The following CLVS1 variants were observed in gnomAD, a reference collection of about 807,000 sequenced individuals.
The protein encoded by CLVS1 is clavesin-1.
In CLVS1, 10 loss-of-function variants were observed where a neutral mutation model predicts 33.1. The observed-to-expected ratio is 0.30, with a 90% CI of 0.19 to 0.51. The LOEUF is 0.51. Ranked by LOEUF, CLVS1 falls within the 20% of genes least tolerant of loss-of-function variation. The probability of loss-of-function intolerance (pLI) is 0.97; values close to 1 mark genes in which losing one functional copy is unlikely to be tolerated. For missense variants in CLVS1, 343 were observed against 433.4 expected, an observed-to-expected ratio of 0.79 and a Z score of 1.85; for synonymous variants, 163 against 166.1, an observed-to-expected ratio of 0.98 and a Z score of 0.14.
intron 1 of CLVS1, among the ~76,000 whole-genome samples, chr8:61,062,002 T>G (rs984494869): frequency 6.6e-6 from 1 of 152,104 alleles, no homozygotes; most frequent in African/African-American, 2.4e-5. Flanking sequence ...TTATCTTATG[T>G]TTTAGGTCAT....
intron 2 of CLVS1, among the ~76,000 whole-genome samples, chr8:61,152,779 C>T (rs986426391): frequency 5.3e-5 from 8 of 152,156 alleles, no homozygotes; most frequent in African/African-American, 1.9e-4. Context: ...CTCCTAAAGG[C>T]GCTGCCTCAA....
intron 5 of CLVS1, among the ~76,000 whole-genome samples, chr8:61,460,751 C>T (rs1817339472): frequency 6.6e-6 from 1 of 152,204 alleles, no homozygotes; most frequent in African/African-American, 2.4e-5. Context: ...CTTGGACCAG[C>T]CCAAAGAACT....
chr8:61,420,837 C>T (rs1237241204), intron 3 of CLVS1, among the ~76,000 whole-genome samples: 1 of 150,194 alleles, frequency 6.7e-6, no homozygotes, highest in East Asian at 2.0e-4. Context: ...GGCATGGTGG[C>T]GGGCACCTGT....
chr8:61,039,769 G>A, the CLVS1 span, among the ~76,000 whole-genome samples: 1 of 152,020 alleles, frequency 6.6e-6, no homozygotes, highest in African/African-American at 2.4e-5. Context: ...TGAATTCCTG[G>A]GCTGAAGCCA....
At chr8:61,251,778 A>G (rs1019576052) in intron 2 of CLVS1, among the ~76,000 whole-genome samples, 6 of 152,004 alleles carry the variant, frequency 3.9e-5, no homozygotes, top group African/African-American at 7.2e-5. Context: ...ATAATTTTTT[A>G]TTGTATCTAT....
intron 3 of CLVS1, among the ~76,000 whole-genome samples, chr8:61,434,603 G>A (rs1393235443): frequency 6.6e-6 from 1 of 152,118 alleles, no homozygotes; most frequent in Non-Finnish European, 1.5e-5. Flanking sequence ...TCAAAGAGGG[G>A]GGCTTCCAGG....
intron 1 of CLVS1, chr8:61,090,858 T>C (rs949430453): frequency 7.7e-6 from 4 of 518,542 alleles, no homozygotes; most frequent in Admixed American, 1.9e-5. Flanking sequence ...ACTTTTGAGC[T>C]GATGAGAAGA....
chr8:60,991,892 G>T, the CLVS1 span, among the ~76,000 whole-genome samples: 1 of 152,070 alleles, frequency 6.6e-6, no homozygotes, highest in African/African-American at 2.4e-5. Flanking sequence ...GATTATAGGA[G>T]TGTGTCACTG....
At chr8:61,468,827 C>T (rs557037110) in intron 5 of CLVS1, among the ~76,000 whole-genome samples, 57 of 151,214 alleles carry the variant, frequency 3.8e-4, no homozygotes, top group Admixed American at 6.6e-4. Context: ...GAGAAACTCA[C>T]AGTCTGATGA....
chr8:61,416,187 G>A (rs1018496488), intron 3 of CLVS1, among the ~76,000 whole-genome samples: 3 of 152,074 alleles, frequency 2.0e-5, no homozygotes, highest in African/African-American at 7.3e-5. Flanking sequence ...TGGAATTTGA[G>A]AATTATACAT....
chr8:61,100,505 C>T (rs1052408058), intron 1 of CLVS1, among the ~76,000 whole-genome samples: 10 of 152,136 alleles, frequency 6.6e-5, no homozygotes, highest in Admixed American at 1.3e-4. Context: ...GCCTTGAACA[C>T]GACTTTCAAG....
chr8:61,309,858 T>C (rs957956666), intron 2 of CLVS1, among the ~76,000 whole-genome samples: 4 of 152,200 alleles, frequency 2.6e-5, no homozygotes, highest in African/African-American at 7.2e-5. Flanking sequence ...GATATAACTC[T>C]TCAAACTATA....
At chr8:61,042,139 CT>C in the CLVS1 span, among the ~76,000 whole-genome samples, 1 of 152,196 alleles carries the variant, frequency 6.6e-6, no homozygotes, top group African/African-American at 2.4e-5. Context: ...GCAATTCAAA[CT>C]TTGGCCACTT....
intron 2 of CLVS1, among the ~76,000 whole-genome samples, chr8:61,257,559 T>G (rs1809111756): frequency 6.6e-6 from 1 of 152,182 alleles, no homozygotes; most frequent in African/African-American, 2.4e-5. Flanking sequence ...CTATGTACCA[T>G]TGCAGAGCAA....
At chr8:61,317,752 G>A (rs1437353184) in intron 2 of CLVS1, among the ~76,000 whole-genome samples, 1 of 152,088 alleles carries the variant, frequency 6.6e-6, no homozygotes, top group African/African-American at 2.4e-5. Context: ...TGCTTAAAAT[G>A]TCCAAAATCA....
chr8:61,073,286 A>G (rs1804834973), intron 1 of CLVS1, among the ~76,000 whole-genome samples: 1 of 152,242 alleles, frequency 6.6e-6, no homozygotes, highest in Admixed American at 6.5e-5. Flanking sequence ...CCTTGTGGAC[A>G]TTACTGTATT....
At chr8:61,065,786 A>G (rs930457969) in intron 1 of CLVS1, among the ~76,000 whole-genome samples, 4 of 152,200 alleles carry the variant, frequency 2.6e-5, no homozygotes, top group African/African-American at 9.6e-5. Context: ...GTCTAGTTAG[A>G]TTGGTATCTT....
intron 2 of CLVS1, among the ~76,000 whole-genome samples, chr8:61,348,480 T>TA (rs997984192): frequency 2.0e-5 from 3 of 152,082 alleles, no homozygotes; most frequent in African/African-American, 4.8e-5. Context: ...TAAAGTATAA[T>TA]AAAAAATAAT....
intron 2 of CLVS1, among the ~76,000 whole-genome samples, chr8:61,326,124 C>A (rs1811375272): frequency 6.6e-6 from 1 of 152,160 alleles, no homozygotes; most frequent in Non-Finnish European, 1.5e-5. Flanking sequence ...CACTGCCTTT[C>A]AGCCTTCATT....
Sources: gnomAD v4.1 joint callset for allele counts (sites outside exome capture counted in the v4.1 genomes callset) on GRCh38, gnomAD v4.1.1 for gene constraint, MANE v1.5 for transcripts, NCBI Gene and HGNC (gene_info 2026-07-23, HGNC 2026-07-21) for gene names.